Variants in TIAM2 observed in about 807,000 individuals in gnomAD.
The protein encoded by TIAM2 is TIAM Rac1 associated GEF 2.
Under a neutral mutation model 152.9 loss-of-function variants are expected in TIAM2, and 80 were observed. That is an observed-to-expected ratio of 0.52 (90% CI 0.44 to 0.63). TIAM2 has a LOEUF of 0.63. TIAM2 is among the 30% of genes least tolerant of loss of function. The pLI is 0.00. For synonymous variants in TIAM2, 804 were observed against 838.0 expected, an observed-to-expected ratio of 0.96 and a Z score of 0.70; for missense variants, 1,965 against 2,120.1, an observed-to-expected ratio of 0.93 and a Z score of 1.44.
At position 155,164,576 on chromosome 6, in the gene TIAM2, G is replaced by T. The variant is rs1382456403; in HGVS notation, c.2190G>T (p.Leu730Phe). The T allele has an allele frequency of 2.5e-6, 4 of 1,613,502 alleles. No individual in the cohort carries two copies. The highest frequency in any genetic ancestry group is 3.4e-6 in the Non-Finnish European group (4 of 1,179,582). ...TGGCCCTCGGCAGGCTGGGCATCTT[G>T]TCTGTTTCCTCTTTCCATGCTCTGG... ...SKLALGRLGILSVSSFHALVC... is the reference protein window; with the variant it reads ...SKLALGRLGIFSVSSFHALVC... Residue 730 changes from leucine to phenylalanine, a missense_variant, in exon 8 of 27, where the codon TTG (leucine) becomes TTT (phenylalanine). By Grantham distance (22) the Leu-to-Phe change is conservative. Coordinates refer to ENST00000682666, the MANE Select transcript of TIAM2 (RefSeq NM_012454.4).
intron 1 of TIAM2, among the ~76,000 whole-genome samples, chr6:155,000,318 A>C (rs1778291695): frequency 6.6e-6 from 1 of 151,970 alleles, no homozygotes; most frequent in Non-Finnish European, 1.5e-5. Flanking sequence ...GGATCACCTG[A>C]GGTCGGGAGT....
intron 1 of TIAM2, among the ~76,000 whole-genome samples, chr6:155,054,110 T>C (rs1474114361): frequency 1.3e-5 from 2 of 152,172 alleles, no homozygotes; most frequent in Admixed American, 6.5e-5. Flanking sequence ...GAGGCGGAAG[T>C]GTCAGTAAGC....
rs745336921 is a variant in TIAM2 at position 155,179,431 on chromosome 6, G to A, written c.2682G>A (p.Thr894=). 1.3e-5 allele frequency: 21 copies of A among 1,613,416 alleles called. No individual in the cohort carries two copies. Among genetic ancestry groups the A allele is most frequent in the South Asian group, 2.2e-5 (2 of 90,816 alleles). The change falls in exon 12 of 27, where the codon ACG becomes ACA. Residue 894 remains threonine (T), a synonymous_variant. Transcript: ENST00000682666. ...FPLNVYDVQL[T]KTGSVCDFGF... ...TAAATGTTTATGACGTGCAGCTCAC[G>A]AAGACTGGGAGTGTGTGTGACTTTG...
At chr6:155,041,874 G>A (rs911667463) in intron 1 of TIAM2, among the ~76,000 whole-genome samples, 1 of 152,140 alleles carries the variant, frequency 6.6e-6, no homozygotes, top group Non-Finnish European at 1.5e-5. Context: ...GAAAATAAGT[G>A]GTCTGCTGGC....
chr6:155,253,200 T>G, intron 24 of TIAM2, 147 bp downstream of exon 24: 1 of 671,258 alleles, frequency 1.5e-6, no homozygotes, highest in South Asian at 1.9e-5. Context: ...GTTGTTTTGA[T>G]GTTCCTTAGC....
chr6:155,144,558 G>A, intron 5 of TIAM2, 48 bp from the exon 6 acceptor site: 1 of 1,443,356 alleles, frequency 6.9e-7, no homozygotes, highest in South Asian at 1.6e-5. Context: ...GTCCTTTCCT[G>A]CATCTCCAGG....
intron 1 of TIAM2, among the ~76,000 whole-genome samples, chr6:155,017,250 TG>T (rs796821606): frequency 2.0e-4 from 31 of 152,160 alleles, no homozygotes; most frequent in African/African-American, 7.0e-4. Flanking sequence ...CCAGGAAAAC[TG>T]AGGGGCAAGG....
intron 1 of TIAM2, among the ~76,000 whole-genome samples, chr6:155,040,842 T>C (rs1338216601): frequency 6.6e-6 from 1 of 151,934 alleles, no homozygotes; most frequent in Non-Finnish European, 1.5e-5. Flanking sequence ...TTTGTTTTGG[T>C]AGGAAAAAAC....
chr6:155,133,192 T>A (rs1421119243), intron 4 of TIAM2, among the ~76,000 whole-genome samples: 1 of 152,070 alleles, frequency 6.6e-6, no homozygotes, highest in Non-Finnish European at 1.5e-5. Context: ...CCATCTCTAA[T>A]GAAAATTAGC....
chr6:155,197,527 G>A (rs933010937), intron 14 of TIAM2, among the ~76,000 whole-genome samples: 1 of 152,088 alleles, frequency 6.6e-6, no homozygotes, highest in African/African-American at 2.4e-5. Context: ...CCATATGGAT[G>A]TTCTTTGACC....
chr6:155,056,167 C>CTTTTTTTTTTTTT (rs763205169), intron 1 of TIAM2, among the ~76,000 whole-genome samples: 265 of 98,588 alleles, frequency 2.7e-3, no homozygotes, highest in Middle Eastern at 7.5e-3. Flanking sequence ...TATTGTTCTT[C>CTTTTTTTTTTTTT]TTTTTTTTTT....
In TIAM2 at chr6:155,218,660, C is replaced by T. The variant is rs1252158237; in HGVS notation, c.3168+7353C>T. ...CTTCCTGGTGCGTCTCCCATGTATA[C>T]GTGTGTGTGTGAAGGTTTTCCCTGT... On this transcript the variant is annotated intron_variant, in intron 15 of 26. Coordinates refer to ENST00000682666, the MANE Select transcript of TIAM2 (RefSeq NM_012454.4). This position sits in a 1 kb window ranked among gnomAD's most constrained non-coding sequence, Gnocchi z 4.5. Among the ~76,000 whole-genome samples the T allele has an allele frequency of 2.6e-5, 4 of 152,130 alleles. No individual in the cohort carries two copies. The highest frequency in any genetic ancestry group is 3.8e-4 in the East Asian group (2 of 5,196).
intron 1 of TIAM2, among the ~76,000 whole-genome samples, chr6:155,009,830 C>G (rs1296547071): frequency 6.6e-6 from 1 of 152,036 alleles, no homozygotes; most frequent in African/African-American, 2.4e-5. Flanking sequence ...GCACCCATAG[C>G]TTTCTCTGAT....
chr6:155,026,327 C>G (rs761948297), intron 1 of TIAM2, among the ~76,000 whole-genome samples: 1 of 152,168 alleles, frequency 6.6e-6, no homozygotes, highest in Non-Finnish European at 1.5e-5. Context: ...ATGATCTTGG[C>G]GTTCTTTCTG....
intron 8 of TIAM2, 30 bp from the exon 9 acceptor site, chr6:155,165,233 A>C: frequency 6.3e-7 from 1 of 1,586,324 alleles, no homozygotes; most frequent in Non-Finnish European, 8.6e-7. Context: ...CTAAGCCTTT[A>C]GATTTTTTTT....
At chr6:155,087,029 C>G (rs914059663) in intron 1 of TIAM2, among the ~76,000 whole-genome samples, 4 of 152,080 alleles carry the variant, frequency 2.6e-5, no homozygotes, top group African/African-American at 9.7e-5. Context: ...TTGCCTATAT[C>G]AGAAAGAGTG....
intron 1 of TIAM2, among the ~76,000 whole-genome samples, chr6:155,044,559 G>T (rs985579264): frequency 6.6e-6 from 1 of 152,210 alleles, no homozygotes; most frequent in Admixed American, 6.5e-5. Context: ...GCTTACGCCT[G>T]TAATCTCAGC....
At chr6:155,073,539 G>T (rs1257964263) in intron 1 of TIAM2, among the ~76,000 whole-genome samples, 1 of 152,126 alleles carries the variant, frequency 6.6e-6, no homozygotes, top group Non-Finnish European at 1.5e-5. Flanking sequence ...ATATTATACA[G>T]ATATTTCCAC....
rs563392998 is a variant in TIAM2, at chr6:155,182,986, C to T, written c.2801-251C>T. Among the ~76,000 whole-genome samples the T allele has an allele frequency of 4.6e-5, 7 of 152,260 alleles. No individual in the cohort carries two copies. In the East Asian group the frequency reaches 7.7e-4, roughly 17 times the overall value. ...TTTTTTGTTTTTCTTATTTAAAAGA[C>T]GAAGTCTTGCTATATAGCCCCAGGC... On this transcript the variant is annotated intron_variant, in intron 13 of 26. Coordinates refer to ENST00000682666, the MANE Select transcript of TIAM2 (RefSeq NM_012454.4).
Sources: allele counts gnomAD v4.1 joint callset (sites outside exome capture counted in the v4.1 genomes callset), GRCh38; gene constraint gnomAD v4.1.1; non-coding constraint Gnocchi (gnomAD v3.1); transcripts MANE v1.5; gene names NCBI Gene and HGNC (gene_info 2026-07-23, HGNC 2026-07-21).